The following ARAP1 variants were observed in gnomAD, a reference collection of about 807,000 sequenced individuals.
ARAP1 encodes the protein arf-GAP with Rho-GAP domain, ANK repeat and PH domain-containing protein 1.
In ARAP1, 76 loss-of-function variants were observed where a neutral mutation model predicts 172.2. The ratio of observed to expected loss-of-function variants is 0.44; its 90% CI spans 0.37 to 0.53. The LOEUF (loss-of-function observed/expected upper bound fraction) is 0.53, where lower values mean the gene tolerates loss of function less well. Ranked by LOEUF, ARAP1 falls within the 20% of genes least tolerant of loss-of-function variation. The pLI, the probability that ARAP1 is intolerant of heterozygous loss-of-function variation, is 0.00. For missense variants in ARAP1, 1,686 were observed against 1,977.5 expected (o/e 0.85, Z 2.80); for synonymous variants, 804 against 803.3 (o/e 1.00, Z -0.01).
chr11:72,722,468 G>A (rs867845769), intron 3 of ARAP1: 1 of 588,752 alleles, frequency 1.7e-6, no homozygotes. Context: ...GGCCCTCACA[G>A]GGTGGATGCC....
At chr11:72,714,615 G>C (rs921599250) in intron 3 of ARAP1, among the ~76,000 whole-genome samples, 67 of 152,156 alleles carry the variant, frequency 4.4e-4, no homozygotes, top group African/African-American at 1.6e-3. Context: ...CTGAAGGAGG[G>C]ATAAAGACCA....
chr11:72,698,983 C>T (rs779106745), intron 18 of ARAP1, 22 bp downstream of exon 18: 25 of 1,612,974 alleles, frequency 1.5e-5, no homozygotes, highest in Non-Finnish European at 2.1e-5. Flanking sequence ...CCCTTACACC[C>T]ACCCTGCTAC....
Position 72,693,889 on chromosome 11 carries a change from A to T in ARAP1, c.3695-84T>A. On this transcript the variant is annotated intron_variant, in intron 27 of 34. Transcript: ENST00000393609. The surrounding 1 kb of genome is among the most constrained non-coding windows in gnomAD (Gnocchi z 4.6). The stretch of plus-strand genomic sequence containing the variant: ...TGGCAGATGGGCACATATCACCTAC[A>T]CATCCCCTGTCCACTCCAACCATAT... The T allele has an allele frequency of 9.0e-7, 1 of 1,110,266 alleles. No individual in the cohort carries two copies. The highest frequency in any genetic ancestry group is 2.2e-5 in the Admixed American group (1 of 45,002). 68.8% of individuals were successfully genotyped at this position (1,110,266 alleles called of 1,614,324 possible). A position where few individuals can be genotyped will look rare whatever the true frequency, so the allele number is the denominator to read the frequency against.
chr11:72,695,252 C>A lies in ARAP1; in HGVS notation c.3576+135G>T, dbSNP rs35250343. ...TTTCTGAGTGGTCCTTAGGAGCAGA[C>A]CCCAGCACCAGCCAGATACAGGTCC... On this transcript the variant is annotated intron_variant, in intron 26 of 34. Transcript: ENST00000393609. This position sits in a 1 kb window ranked among gnomAD's most constrained non-coding sequence, Gnocchi z 4.4. 720,007 of 1,350,460 alleles carry A rather than the reference C, an allele frequency of 0.53. 193,691 individuals are homozygous for A. The highest frequency in any genetic ancestry group is 0.55 in the Non-Finnish European group (532,663 of 962,644). The allele number at this position is 1,350,460 out of a possible 1,614,324, so 83.7% of individuals were successfully genotyped here.
rs1857048680 is a variant in ARAP1 at position 72,712,228 on chromosome 11, C to T, written c.990G>A (p.Lys330=). 2 of 1,608,406 alleles carry T rather than the reference C, an allele frequency of 1.2e-6. No individual in the cohort carries two copies. Among genetic ancestry groups the T allele is most frequent in the African/African-American group, 1.3e-5 (1 of 74,866 alleles). Residue 330 remains lysine, a synonymous_variant, in exon 7 of 35, where the codon AAG becomes AAA. Coordinates refer to ENST00000393609, the MANE Select transcript of ARAP1 (RefSeq NM_001040118.3). ...GGSTPVTPVI[K]AGWLDKNPPQ... ...GTGGGTTCTTGTCCAGCCAGCCAGC[C>T]TTGATGACTGGTGTGACGGGGGTGG...
Position 72,710,699 on chromosome 11 carries a change from C to G in ARAP1, c.1214-112G>C, listed in dbSNP as rs1275804963. On this transcript the variant is annotated intron_variant, in intron 9 of 34. Transcript: ENST00000393609. This position sits in a 1 kb window ranked among gnomAD's most constrained non-coding sequence, Gnocchi z 4.3. ...CCTCCAGAAAGCCCACTCAGATGCC[C>G]CCATCATTTTGCTTGACTTCTCTGA... is the stretch of plus-strand genomic sequence containing the variant. 8.4e-7 allele frequency: 1 copy of G among 1,191,222 alleles called. No individual in the cohort carries two copies. Among genetic ancestry groups the G allele is most frequent in the Non-Finnish European group, 1.1e-6 (1 of 872,020 alleles). 73.8% of individuals were successfully genotyped at this position (1,191,222 alleles called of 1,614,324 possible). A position where few individuals can be genotyped will look rare whatever the true frequency, so the allele number is the denominator to read the frequency against.
rs1468995830 is a variant in ARAP1 at position 72,695,850 on chromosome 11, T to G, written c.3288A>C (p.Ser1096=). The change falls in exon 24 of 35, where the codon TCA becomes TCC. Residue 1096 remains serine (S), a synonymous_variant. Coordinates refer to ENST00000393609, the MANE Select transcript of ARAP1 (RefSeq NM_001040118.3). This position sits in a 1 kb window ranked among gnomAD's most constrained non-coding sequence, Gnocchi z 4.4. ...TGTGCACGTTCATCTGGTTCGTGTC[T>G]GAGAAGCACTGAACACTGGAGAGGG... The part of the protein sequence containing the change: ...ISHLYCVQCF[S]DTNQMNVHNL... The G allele has an allele frequency of 8.1e-6, 13 of 1,612,506 alleles. No individual in the cohort carries two copies. The highest frequency in any genetic ancestry group is 1.1e-5 in the Non-Finnish European group (13 of 1,179,176).
At chr11:72,736,136 AT>A (rs1334549112) in intron 1 of ARAP1, among the ~76,000 whole-genome samples, 1 of 151,616 alleles carries the variant, frequency 6.6e-6, no homozygotes, top group African/African-American at 2.4e-5. Context: ...CTCATCATGG[AT>A]TTTTGGCATT....
intron 12 of ARAP1, 21 bp from the exon 13 acceptor site, chr11:72,705,911 C>G (rs745820222): frequency 6.2e-7 from 1 of 1,612,868 alleles, no homozygotes; most frequent in Non-Finnish European, 8.5e-7. Context: ...AGGGCCAGAC[C>G]CAGAATCACC....
chr11:72,713,260 TG>T lies in ARAP1; in HGVS notation c.680-18del, dbSNP rs751040758. The T allele has an allele frequency of 3.1e-6, 5 of 1,613,414 alleles. No individual in the cohort carries two copies. The highest frequency in any genetic ancestry group is 2.7e-5 in the African/African-American group (2 of 74,878). ...CAGAGTCATCTGGTGAGAGAGGGGT[TG>T]GGGGGCCTCAGGGCAAGGGGCCTGG... On this transcript the variant is annotated intron_variant, in intron 4 of 34. Transcript: ENST00000393609.
At position 72,711,123 on chromosome 11, in the gene ARAP1, A is replaced by G. The variant is rs750323190; in HGVS notation, c.1111T>C (p.Phe371Leu). 1.2e-6 allele frequency: 2 copies of G among 1,614,186 alleles called. No individual in the cohort carries two copies. Among genetic ancestry groups the G allele is most frequent in the South Asian group, 1.1e-5 (1 of 91,076 alleles). ...TGGGAGATGCAGGCCACAGAGATAA[A>G]GCGCTTAGAGTAAGCGTCCTGGGGG... ...DSNKDAYSKR[F>L]ISVACISHVA... Residue 371 changes from phenylalanine (F) to leucine (L), a missense_variant, in exon 9 of 35, where the codon TTT becomes CTT. Phe to Leu is a conservative substitution (Grantham distance 22, BLOSUM62 0). This residue lies in a region of ARAP1 where 688 missense variants were observed against 856.9 expected (regional missense o/e 0.80). Coordinates refer to ENST00000393609, the MANE Select transcript of ARAP1 (RefSeq NM_001040118.3).
rs758082950 is a variant in ARAP1, at chr11:72,696,543, C to T, written c.3272+6G>A. ...CCCAGAATCTCACAATGGTATCGTCCCTCACCAGTACAGGTGGCTGATAAG... is the reference window on the plus strand; with the variant it reads ...CCCAGAATCTCACAATGGTATCGTCTCTCACCAGTACAGGTGGCTGATAAG... On this transcript the variant is annotated splice_donor_region_variant and intron_variant, in intron 23 of 34. Transcript: ENST00000393609. 9.1e-6 allele frequency: 14 copies of T among 1,538,418 alleles called. No homozygotes were observed. The South Asian group carries it at 1.7e-4, about 19-fold the overall frequency.
chr11:72,705,915 A>G, intron 12 of ARAP1, 25 bp from the exon 13 acceptor site: 1 of 1,612,068 alleles, frequency 6.2e-7, no homozygotes, highest in South Asian at 1.1e-5. Flanking sequence ...CCAGACCCAG[A>G]ATCACCTGGG....
At chr11:72,705,634 G>A in intron 13 of ARAP1, 171 bp downstream of exon 13, 1 of 587,578 alleles carries the variant, frequency 1.7e-6, no homozygotes, top group African/African-American at 1.9e-5. Flanking sequence ...CCAGTTTGCT[G>A]ACTTTGCCAA....
chr11:72,696,798 A>G, intron 22 of ARAP1, 144 bp from the exon 23 acceptor site: 2 of 938,190 alleles, frequency 2.1e-6, no homozygotes, highest in South Asian at 3.4e-5. Context: ...AACCAGGGTA[A>G]GGAACTCTCG....
chr11:72,692,895 G>A, intron 29 of ARAP1, 110 bp from the exon 30 acceptor site: 2 of 1,386,412 alleles, frequency 1.4e-6, no homozygotes, highest in Non-Finnish European at 2.0e-6. Context: ...ATGTGCAGAA[G>A]GTGGAGGGTG....
At chr11:72,714,532 T>C (rs1313300136) in intron 3 of ARAP1, among the ~76,000 whole-genome samples, 2 of 152,132 alleles carry the variant, frequency 1.3e-5, no homozygotes, top group African/African-American at 4.8e-5. Context: ...GGCACCCTCT[T>C]TGGCCTGAAT....
intron 2 of ARAP1, among the ~76,000 whole-genome samples, chr11:72,728,681 C>T (rs142092652): frequency 1.3e-5 from 2 of 152,216 alleles, no homozygotes; most frequent in African/African-American, 4.8e-5. Context: ...GGATGAAAGA[C>T]CCCATTTACA....
At chr11:72,733,951 G>A (rs956750709) in intron 1 of ARAP1, among the ~76,000 whole-genome samples, 10 of 152,110 alleles carry the variant, frequency 6.6e-5, no homozygotes, top group Non-Finnish European at 1.2e-4. Flanking sequence ...TCAGCCTCCC[G>A]AGTAGCTGGG....
Sources: allele counts gnomAD v4.1 joint callset (sites outside exome capture counted in the v4.1 genomes callset), GRCh38; gene constraint gnomAD v4.1.1; regional missense constraint gnomAD v4.1.1; non-coding constraint Gnocchi (gnomAD v3.1); transcripts MANE v1.5; gene names NCBI Gene and HGNC (gene_info 2026-07-23, HGNC 2026-07-21).